The following GRID2 variants were observed in gnomAD, a reference collection of about 807,000 sequenced individuals.
GRID2 encodes glutamate receptor ionotropic, delta-2.
GRID2 carries 33 observed loss-of-function variants against 114.8 expected under a neutral mutation model. The ratio of observed to expected loss-of-function variants is 0.29; its 90% CI spans 0.22 to 0.38. GRID2 has a LOEUF of 0.38. GRID2 is among the 10% of genes least tolerant of loss of function. The pLI, the probability that GRID2 is intolerant of heterozygous loss-of-function variation, is 1.00. For missense variants in GRID2, 1,184 were observed against 1,257.7 expected (o/e 0.94, Z 0.89); for synonymous variants, 505 against 449.9 (o/e 1.12, Z -1.55).
intron 1 of GRID2, among the ~76,000 whole-genome samples, chr4:92,560,408 G>C (rs989814717): frequency 6.6e-6 from 1 of 152,036 alleles, no homozygotes; most frequent in Non-Finnish European, 1.5e-5. Context: ...GTTATAATAC[G>C]GCTACAATGT....
intron 2 of GRID2, among the ~76,000 whole-genome samples, chr4:92,899,636 T>C (rs1451057380): frequency 6.6e-6 from 1 of 152,204 alleles, no homozygotes; most frequent in Admixed American, 6.5e-5. Flanking sequence ...AGAAGAACAC[T>C]ATGATCTTCA....
chr4:92,368,310 G>A (rs764567182), intron 1 of GRID2, among the ~76,000 whole-genome samples: 3 of 152,068 alleles, frequency 2.0e-5, no homozygotes. Context: ...AGCATTAAGA[G>A]GTAGGGAGTG....
intron 2 of GRID2, among the ~76,000 whole-genome samples, chr4:92,845,564 T>C (rs1743248591): frequency 6.6e-6 from 1 of 152,084 alleles, no homozygotes; most frequent in East Asian, 1.9e-4. Flanking sequence ...ATAGTAAATA[T>C]ACCATCCTGC....
intron 1 of GRID2, among the ~76,000 whole-genome samples, chr4:92,389,148 T>C (rs1023930980): frequency 9.3e-5 from 14 of 151,136 alleles, no homozygotes; most frequent in African/African-American, 3.4e-4. Context: ...GCCAAGCCTT[T>C]AATAAGATAT....
At chr4:92,344,148 A>G (rs1727648747) in intron 1 of GRID2, among the ~76,000 whole-genome samples, 1 of 152,132 alleles carries the variant, frequency 6.6e-6, no homozygotes, top group Non-Finnish European at 1.5e-5. Flanking sequence ...TTATAATACA[A>G]TATACAATTT....
intron 2 of GRID2, among the ~76,000 whole-genome samples, chr4:93,079,574 C>T (rs1729666438): frequency 6.6e-6 from 1 of 151,888 alleles, no homozygotes; most frequent in African/African-American, 2.4e-5. Context: ...CCAACTCTGC[C>T]ATTTACTAGT....
intron 13 of GRID2, among the ~76,000 whole-genome samples, chr4:93,605,939 G>A (rs960474523): frequency 6.6e-6 from 1 of 152,152 alleles, no homozygotes; most frequent in Non-Finnish European, 1.5e-5. Flanking sequence ...TCCCAGTTAT[G>A]AAAAGATTAG....
At chr4:92,689,033 G>C (rs1311017506) in intron 2 of GRID2, among the ~76,000 whole-genome samples, 1 of 152,104 alleles carries the variant, frequency 6.6e-6, no homozygotes, top group Non-Finnish European at 1.5e-5. Context: ...AAGAGTTCTA[G>C]GGTGATCAAG....
intron 2 of GRID2, among the ~76,000 whole-genome samples, chr4:92,895,623 T>C (rs1274624840): frequency 6.6e-6 from 1 of 151,874 alleles, no homozygotes; most frequent in Non-Finnish European, 1.5e-5. Context: ...TAAAAAATAT[T>C]AAAATAGAGT....
intron 13 of GRID2, among the ~76,000 whole-genome samples, chr4:93,545,665 T>A (rs1733143021): frequency 6.6e-6 from 1 of 152,194 alleles, no homozygotes; most frequent in African/African-American, 2.4e-5. Context: ...GACATCACAT[T>A]GGTAGCTTAA....
At chr4:93,108,128 A>G (rs1376288871) in intron 3 of GRID2, among the ~76,000 whole-genome samples, 2 of 152,100 alleles carry the variant, frequency 1.3e-5, no homozygotes, top group Non-Finnish European at 2.9e-5. Context: ...ATGTCTTCTT[A>G]TACTTTACCT....
intron 8 of GRID2, among the ~76,000 whole-genome samples, chr4:93,337,966 CTT>C (rs1759258185): frequency 6.6e-6 from 1 of 152,146 alleles, no homozygotes; most frequent in Non-Finnish European, 1.5e-5. Context: ...GAAGTAAACA[CTT>C]TGAACTCTTA....
At chr4:92,324,872 C>A (rs978170608) in intron 1 of GRID2, among the ~76,000 whole-genome samples, 2 of 151,846 alleles carry the variant, frequency 1.3e-5, no homozygotes, top group Non-Finnish European at 2.9e-5. Flanking sequence ...TTTCACATAT[C>A]ATTTATTGAA....
intron 8 of GRID2, among the ~76,000 whole-genome samples, chr4:93,266,307 G>A (rs79885754): frequency 0.055 from 8,345 of 152,148 alleles, 494 homozygotes; most frequent in African/African-American, 0.15. Flanking sequence ...TTCATAGAAG[G>A]CTAATTAAAA....
chr4:93,128,027 C>CAAAAAA (rs1008311457), intron 4 of GRID2, among the ~76,000 whole-genome samples: 445 of 20,188 alleles, frequency 0.022, 60 homozygotes, highest in African/African-American at 0.024. Flanking sequence ...TCCCCCGCAA[C>CAAAAAA]AAAAAAAAAA....
At chr4:92,803,761 C>T (rs1740283319) in intron 2 of GRID2, among the ~76,000 whole-genome samples, 1 of 152,008 alleles carries the variant, frequency 6.6e-6, no homozygotes, top group Admixed American at 6.6e-5. Context: ...AGGTATACAG[C>T]CATACATTCT....
At chr4:92,397,562 A>G (rs1478530272) in intron 1 of GRID2, among the ~76,000 whole-genome samples, 2 of 152,136 alleles carry the variant, frequency 1.3e-5, no homozygotes. Flanking sequence ...CAACATATGG[A>G]ATAAACTGAA....
chr4:93,446,618 A>G (rs1028606362), intron 10 of GRID2, among the ~76,000 whole-genome samples: 9 of 152,032 alleles, frequency 5.9e-5, no homozygotes, highest in Non-Finnish European at 1.3e-4. Flanking sequence ...GATCTCATGA[A>G]CTTTCCAAGG....
intron 8 of GRID2, among the ~76,000 whole-genome samples, chr4:93,354,169 A>T (rs1350941431): frequency 2.0e-5 from 3 of 152,012 alleles, no homozygotes; most frequent in Non-Finnish European, 1.5e-5. Context: ...TATGAGGATA[A>T]CTTTTTTCCC....
Sources: allele counts gnomAD v4.1 joint callset (sites outside exome capture counted in the v4.1 genomes callset), GRCh38; gene constraint gnomAD v4.1.1; transcripts MANE v1.5; gene names NCBI Gene and HGNC (gene_info 2026-07-23, HGNC 2026-07-21).